The following TNPO2 variants were observed in gnomAD, a reference collection of about 807,000 sequenced individuals.
TNPO2 encodes the protein transportin 2.
Under a neutral mutation model 111.1 loss-of-function variants are expected in TNPO2, and 16 were observed. That is an observed-to-expected ratio of 0.14 (90% CI 0.10 to 0.22). The LOEUF (loss-of-function observed/expected upper bound fraction) is 0.22. Ranked by LOEUF, TNPO2 falls within the 10% of genes least tolerant of loss-of-function variation. The probability of loss-of-function intolerance (pLI) is 1.00; values close to 1 mark genes in which losing one functional copy is unlikely to be tolerated. For missense variants in TNPO2, 530 were observed against 1,173.7 expected (o/e 0.45, Z 8.01); for synonymous variants, 481 against 475.8 (o/e 1.01, Z -0.14).
At chr19:12,720,815 T>G (rs1209746068) in intron 3 of TNPO2, 64 bp downstream of exon 3, 4 of 1,527,834 alleles carry the variant, frequency 2.6e-6, no homozygotes, top group Non-Finnish European at 3.5e-6. Flanking sequence ...TCTTTCTCTC[T>G]CTGGCCTTTG....
rs1599405934 is a variant in TNPO2 at position 12,702,980 on chromosome 19, G to T, written c.2210-62C>A. On this transcript the variant is annotated intron_variant, in intron 20 of 25. Transcript: ENST00000425528. This position sits in a 1 kb window ranked among gnomAD's most constrained non-coding sequence, Gnocchi z 5.5. ...CGCCACCCACAGGGGCCAGGGGGCCGCCCCACCTCACTCACTACTCGCCCC... is the reference window on the plus strand; with the variant it reads ...CGCCACCCACAGGGGCCAGGGGGCCTCCCCACCTCACTCACTACTCGCCCC... 8.1e-6 allele frequency: 12 copies of T among 1,473,700 alleles called. No individual in the cohort carries two copies. The highest frequency in any genetic ancestry group is 1.1e-5 in the Non-Finnish European group (12 of 1,060,150). The allele number at this position is 1,473,700 out of a possible 1,614,324, so 91.3% of individuals were successfully genotyped here.
chr19:12,717,458 G>T (rs1436770770), intron 5 of TNPO2, among the ~76,000 whole-genome samples: 1 of 151,772 alleles, frequency 6.6e-6, no homozygotes, highest in East Asian at 1.9e-4. Context: ...TTTTAGTAGA[G>T]ATAGAGTTTC....
rs2026281213 is a variant in TNPO2, at chr19:12,714,972, T to G, written c.772-33A>C. On this transcript the variant is annotated intron_variant, in intron 9 of 25. Transcript: ENST00000425528. ...AGGGGGGAGAAGCTGAGGCCTGGCC[T>G]GGCTGGGGGTGGCTCCCTGACCCCT... The G allele has an allele frequency of 1.9e-6, 3 of 1,598,198 alleles. No homozygotes were observed. The South Asian group carries it at 3.3e-5, about 18-fold the overall frequency.
At chr19:12,704,164 T>C (rs2025488636) in intron 18 of TNPO2, among the ~76,000 whole-genome samples, 3 of 152,172 alleles carry the variant, frequency 2.0e-5, no homozygotes, top group Admixed American at 2.0e-4. Flanking sequence ...GTCAGGAGTT[T>C]GAGACCAGCC....
chr19:12,714,751 C>T (rs2026268907), intron 10 of TNPO2, 70 bp downstream of exon 10: 2 of 1,233,418 alleles, frequency 1.6e-6, no homozygotes, highest in Non-Finnish European at 2.4e-6. Context: ...AGCAGGTGAC[C>T]AGAAGGGAAG....
chr19:12,706,645 T>A lies in TNPO2; in HGVS notation c.1421A>T (p.His474Leu). 6.2e-7 allele frequency: 1 copy of A among 1,613,866 alleles called. No homozygotes were observed. The highest frequency in any genetic ancestry group is 8.5e-7 in the Non-Finnish European group (1 of 1,179,854). The part of the protein sequence containing the change: ...HWVVSQPPDM[H>L]LKPLMTELLK... ...CAGCTCTGTCATCAGGGGCTTGAGG[T>A]GCATGTCGGGTGGCTGGCTGACCAC... The change falls in exon 14 of 26, where the codon CAC becomes CTC. Residue 474 changes from histidine (H) to leucine (L), a missense_variant. Around this residue, in one of 4 missense-constraint regions of TNPO2, gnomAD observed 183 missense variants for 481.0 expected, o/e 0.38. Coordinates refer to ENST00000425528, the MANE Select transcript of TNPO2 (RefSeq NM_001382241.1). This position sits in a 1 kb window ranked among gnomAD's most constrained non-coding sequence, Gnocchi z 7.0.
At chr19:12,707,479 C>CTTTTTTTTT (rs56817777) in intron 13 of TNPO2, among the ~76,000 whole-genome samples, 5 of 75,022 alleles carry the variant, frequency 6.7e-5, no homozygotes, top group African/African-American at 1.6e-4. Context: ...TGTGAGTTTT[C>CTTTTTTTTT]TTTTTTTTTT....
intron 12 of TNPO2, 47 bp from the exon 13 acceptor site, chr19:12,710,820 A>G (rs902509804): frequency 1.3e-6 from 2 of 1,554,564 alleles, no homozygotes; most frequent in Non-Finnish European, 1.7e-6. Context: ...CCCCTCAGGC[A>G]GGTGGCCGAC....
chr19:12,713,165 C>A (rs182808864), intron 10 of TNPO2, among the ~76,000 whole-genome samples: 73 of 152,298 alleles, frequency 4.8e-4, no homozygotes, highest in Admixed American at 1.0e-3. Context: ...CAGGGACATG[C>A]GGTCCTATTC....
chr19:12,701,498 G>A lies in TNPO2; in HGVS notation c.2587-45C>T, dbSNP rs2025299551. 6.3e-7 allele frequency: 1 copy of A among 1,599,386 alleles called. No individual in the cohort carries two copies. Among genetic ancestry groups the A allele is most frequent in the Non-Finnish European group, 8.6e-7 (1 of 1,166,804 alleles). On this transcript the variant is annotated intron_variant, in intron 24 of 25. Transcript: ENST00000425528. This position sits in a 1 kb window ranked among gnomAD's most constrained non-coding sequence, Gnocchi z 5.0. ...GAGGGGTAGGCAGGGGCAGAACAAG[G>A]GGAGTGCGCCTCTTCCCCCATCCCC... is the stretch of plus-strand genomic sequence containing the variant.
At position 12,712,349 on chromosome 19, in the gene TNPO2, C is replaced by A. The variant is rs180700857; in HGVS notation, c.891-736G>T. ...AGGAAAGTGGGGGAGTCTCCCTTTC[C>A]CCGGGGGAGTTTAGAGAAGACTCTG... is the stretch of plus-strand genomic sequence containing the variant. On this transcript the variant is annotated intron_variant, in intron 10 of 25. Coordinates refer to ENST00000425528, the MANE Select transcript of TNPO2 (RefSeq NM_001382241.1). Among the ~76,000 whole-genome samples, 873 of 152,250 alleles carry A rather than the reference C, an allele frequency of 5.7e-3. 11 individuals carry two copies. Among genetic ancestry groups the A allele is most frequent in the African/African-American group, 0.02 (833 of 41,532 alleles).
chr19:12,714,803 GGCA>G lies in TNPO2; in HGVS notation c.890+15_890+17del. 6.2e-7 allele frequency: 1 copy of G among 1,602,136 alleles called. No homozygotes were observed. Among genetic ancestry groups the G allele is most frequent in the Non-Finnish European group, 8.6e-7 (1 of 1,169,240 alleles). On this transcript the variant is annotated intron_variant, in intron 10 of 25. Coordinates refer to ENST00000425528, the MANE Select transcript of TNPO2 (RefSeq NM_001382241.1). Reference sequence around the variant, plus strand: ...GGGTCGAAGCTGGGGTAGGACAGTGGGCAGCAGCAGCACTCACTGGACCAGATG... The same window carrying G: ...GGGTCGAAGCTGGGGTAGGACAGTGGGCAGCAGCACTCACTGGACCAGATG...
At position 12,723,359 on chromosome 19, in the gene TNPO2, T is replaced by C. The variant is rs1292947051; in HGVS notation, c.-124A>G. On this transcript the variant is annotated 5_prime_UTR_variant, in exon 2 of 26. Coordinates refer to ENST00000425528, the MANE Select transcript of TNPO2 (RefSeq NM_001382241.1). ...TCTGAAGACAGTAGGGCACCGTTTT[T>C]CCTTCTCTTGAGAGAGGAGCAGATG... The C allele has an allele frequency of 6.6e-6, 1 of 152,184 alleles. No homozygotes were observed. The highest frequency in any genetic ancestry group is 2.4e-5 in the African/African-American group (1 of 41,440). The allele number at this position is 152,184 out of a possible 1,614,324, so 9.4% of individuals were successfully genotyped here.
rs904014029 is a variant in TNPO2, at chr19:12,703,821, C to T, written c.2023-20G>A. On this transcript the variant is annotated intron_variant, in intron 18 of 25. Coordinates refer to ENST00000425528, the MANE Select transcript of TNPO2 (RefSeq NM_001382241.1). Reference sequence around the variant, plus strand: ...CGAGTCCTGGGGATTCAAGTAAGATCAGTGTGGCTAGGCTCCCCTCCTTCT... The same window carrying T: ...CGAGTCCTGGGGATTCAAGTAAGATTAGTGTGGCTAGGCTCCCCTCCTTCT... 6.4e-7 allele frequency: 1 copy of T among 1,560,416 alleles called. No homozygotes were observed. The highest frequency in any genetic ancestry group is 8.7e-7 in the Non-Finnish European group (1 of 1,151,826).
In TNPO2 at chr19:12,702,618, A is replaced by C. The variant is rs979336179; in HGVS notation, c.2305+205T>G. Among the ~76,000 whole-genome samples, 2 of 152,054 alleles carry C rather than the reference A, an allele frequency of 1.3e-5. No individual in the cohort carries two copies. Among genetic ancestry groups the C allele is most frequent in the African/African-American group, 4.8e-5 (2 of 41,412 alleles). On this transcript the variant is annotated intron_variant, in intron 21 of 25. Coordinates refer to ENST00000425528, the MANE Select transcript of TNPO2 (RefSeq NM_001382241.1). This position sits in a 1 kb window ranked among gnomAD's most constrained non-coding sequence, Gnocchi z 5.5. Reference sequence around the variant, plus strand: ...CCTGACTTCAGGTGATCTGCCTCCCAAAGTGCTGAGATTACAGGCATGAGC... The same window carrying C: ...CCTGACTTCAGGTGATCTGCCTCCCCAAGTGCTGAGATTACAGGCATGAGC...
In TNPO2 at chr19:12,705,600, CT is replaced by C; in HGVS notation, c.1756-2del. The C allele has an allele frequency of 6.3e-7, 1 of 1,597,552 alleles. No individual in the cohort carries two copies. The highest frequency in any genetic ancestry group is 8.5e-7 in the Non-Finnish European group (1 of 1,172,504). ...GGGCGGTGGCCACCGATGACAGACA[CT>C]GGCAGGGAGGAAGGCAGGTGGGGAG... is the stretch of plus-strand genomic sequence containing the variant. On this transcript the variant is annotated splice_acceptor_variant, in intron 16 of 25. Transcript: ENST00000425528. LOFTEE classifies it high-confidence loss of function. This position sits in a 1 kb window ranked among gnomAD's most constrained non-coding sequence, Gnocchi z 7.2.
rs1599429734 is a variant in TNPO2 at position 12,719,394 on chromosome 19, A to G, written c.100-58T>C. 1.4e-6 allele frequency: 2 copies of G among 1,453,122 alleles called. No individual in the cohort carries two copies. The highest frequency in any genetic ancestry group is 4.6e-5 in the East Asian group (2 of 43,672). The allele number at this position is 1,453,122 out of a possible 1,614,324, so 90.0% of individuals were successfully genotyped here. A position where few individuals can be genotyped will look rare whatever the true frequency, so the allele number is the denominator to read the frequency against. On this transcript the variant is annotated intron_variant, in intron 3 of 25. Coordinates refer to ENST00000425528, the MANE Select transcript of TNPO2 (RefSeq NM_001382241.1). The surrounding 1 kb of genome is among the most constrained non-coding windows in gnomAD (Gnocchi z 5.0). ...GGCCTTCCCCCAGCCAGGTCCCCTC[A>G]TTATGTACCTGACACTATCTCTGAC...
Position 12,701,457 on chromosome 19 carries a change from TG to T in TNPO2, c.2587-5del, listed in dbSNP as rs2025293097. 5.0e-6 allele frequency: 8 copies of T among 1,613,220 alleles called. No homozygotes were observed. The highest frequency in any genetic ancestry group is 6.8e-6 in the Non-Finnish European group (8 of 1,179,492). ...GGTCTTTGAAGCCGTGGAGAATCTG[TG>T]GGGAGGGTGGTGGTGAGGGGTAGGC... On this transcript the variant is annotated splice_region_variant and splice_polypyrimidine_tract_variant and intron_variant, in intron 24 of 25. Coordinates refer to ENST00000425528, the MANE Select transcript of TNPO2 (RefSeq NM_001382241.1). This position sits in a 1 kb window ranked among gnomAD's most constrained non-coding sequence, Gnocchi z 5.0.
chr19:12,721,026 C>A lies in TNPO2; in HGVS notation c.-13-36G>T. The A allele has an allele frequency of 6.5e-7, 1 of 1,539,438 alleles. No homozygotes were observed. On this transcript the variant is annotated intron_variant, in intron 2 of 25. Transcript: ENST00000425528. The surrounding 1 kb of genome is among the most constrained non-coding windows in gnomAD (Gnocchi z 4.9). ...AGGGGCCGGGGTCAGCGCTGGGTCT[C>A]TGGGGCTCCGTGTGAGACCCAGGTG... is the stretch of plus-strand genomic sequence containing the variant.
Sources: allele counts gnomAD v4.1 joint callset (sites outside exome capture counted in the v4.1 genomes callset), GRCh38; gene constraint gnomAD v4.1.1; regional missense constraint gnomAD v4.1.1; non-coding constraint Gnocchi (gnomAD v3.1); transcripts MANE v1.5; gene names NCBI Gene and HGNC (gene_info 2026-07-23, HGNC 2026-07-21).